The following GREB1L variants were observed in gnomAD, a reference collection of about 807,000 sequenced individuals.
The protein encoded by GREB1L is GREB1 like retinoic acid receptor coactivator.
A neutral mutation model predicts 200.8 loss-of-function variants in GREB1L; 17 were observed. The ratio of observed to expected loss-of-function variants is 0.08; its 90% CI spans 0.06 to 0.13. GREB1L has a LOEUF of 0.13. GREB1L is among the 10% of genes least tolerant of loss of function. The pLI is 1.00. For missense variants in GREB1L, 1,657 were observed against 2,367.7 expected, an observed-to-expected ratio of 0.70 and a Z score of 6.23; for synonymous variants, 789 against 893.0, an observed-to-expected ratio of 0.88 and a Z score of 2.08.
intron 15 of GREB1L, among the ~76,000 whole-genome samples, chr18:21,461,517 G>T (rs915043746): frequency 6.6e-6 from 1 of 152,172 alleles, no homozygotes; most frequent in African/African-American, 2.4e-5. Context: ...ACCCTTGCCC[G>T]TATCACCAGT....
chr18:21,262,424 T>C (rs1257224182), intron 1 of GREB1L, among the ~76,000 whole-genome samples: 1 of 152,150 alleles, frequency 6.6e-6, no homozygotes, highest in African/African-American at 2.4e-5. Flanking sequence ...GCTTTTCCCA[T>C]CCCAGATGGA....
chr18:21,396,651 C>T (rs1176439589), intron 5 of GREB1L, among the ~76,000 whole-genome samples: 3 of 152,098 alleles, frequency 2.0e-5, no homozygotes, highest in Non-Finnish European at 4.4e-5. Context: ...TTATATTTAA[C>T]ATTAGTTCAC....
Position 21,508,262 on chromosome 18 carries a change from C to T in GREB1L, c.4513C>T (p.Pro1505Ser), listed in dbSNP as rs1598947369. ...QGKHLESMRL[P>S]LVSDKNLNAV... Reference sequence around the variant, plus strand: ...CAAGCACCTGGAGAGCATGCGGCTGCCCCTGGTTTCAGACAAGGTGGGTGA... The same window carrying T: ...CAAGCACCTGGAGAGCATGCGGCTGTCCCTGGTTTCAGACAAGGTGGGTGA... Residue 1505 changes from proline to serine, a missense_variant, in exon 26 of 33, where the codon CCC (proline) becomes TCC (serine). By Grantham distance (74) the Pro-to-Ser change is moderately conservative (BLOSUM62 -1). Transcript: ENST00000424526. 1.3e-6 allele frequency: 2 copies of T among 1,551,632 alleles called. No individual in the cohort carries two copies. The highest frequency in any genetic ancestry group is 1.7e-6 in the Non-Finnish European group (2 of 1,147,016).
intron 1 of GREB1L, among the ~76,000 whole-genome samples, chr18:21,264,406 A>G (rs938734920): frequency 6.6e-6 from 1 of 152,136 alleles, no homozygotes. Context: ...TTCGATGCTA[A>G]TAAGGTCTCA....
chr18:21,457,716 T>G (rs1021578342), intron 15 of GREB1L, among the ~76,000 whole-genome samples: 6 of 152,230 alleles, frequency 3.9e-5, no homozygotes, highest in Non-Finnish European at 8.8e-5. Context: ...ACCTTCATAT[T>G]CTTGGAACAC....
At chr18:21,495,994 G>A (rs1451319634) in intron 20 of GREB1L, among the ~76,000 whole-genome samples, 1 of 152,116 alleles carries the variant, frequency 6.6e-6, no homozygotes, top group African/African-American at 2.4e-5. Context: ...TTTGGGAATG[G>A]GCGATAGCCA....
intron 5 of GREB1L, among the ~76,000 whole-genome samples, chr18:21,396,132 C>T (rs1180879335): frequency 6.6e-6 from 1 of 151,162 alleles, no homozygotes. Flanking sequence ...GCAACCTCTG[C>T]CTCCTGGGTT....
At chr18:21,328,242 C>G (rs2039054762) in intron 1 of GREB1L, among the ~76,000 whole-genome samples, 1 of 152,204 alleles carries the variant, frequency 6.6e-6, no homozygotes, top group South Asian at 2.1e-4. Flanking sequence ...CCTAATCACA[C>G]TGGATGGAAT....
rs760119063 is a variant in GREB1L, at chr18:21,418,091, TATA to T, written c.832+14104_832+14106del. On this transcript the variant is annotated intron_variant, in intron 7 of 32. Transcript: ENST00000424526. ...ATTTAAAAGATGATTGTTACACCAG[TATA>T]ATAATATATTTTGGGTTTATAATAC... 6.7e-4 allele frequency among the ~76,000 whole-genome samples: 102 copies of T among 152,260 alleles called. 1 individual carries two copies. The highest frequency in any genetic ancestry group is 1.2e-3 in the Non-Finnish European group (85 of 68,014).
Position 21,500,263 on chromosome 18 carries a change from G to A in GREB1L, c.3926G>A (p.Arg1309Gln), listed in dbSNP as rs1002612311. Residue 1309 changes from arginine to glutamine, a missense_variant, in exon 22 of 33, where the codon CGA becomes CAA. Arg to Gln is a conservative substitution (Grantham distance 43). Transcript: ENST00000424526. ...SNQLDPASGT[R>Q]NFHPRRLLLT... ...CAGCTGGACCCGGCCTCTGGCACCC[G>A]AAACTTCCACCCCCGACGGCTCCTG... 26 of 1,471,130 alleles carry A rather than the reference G, an allele frequency of 1.8e-5. No homozygotes were observed. The highest frequency in any genetic ancestry group is 1.3e-4 in the African/African-American group (9 of 71,870). The allele number at this position is 1,471,130 out of a possible 1,614,324, so 91.1% of individuals were successfully genotyped here.
intron 1 of GREB1L, among the ~76,000 whole-genome samples, chr18:21,242,704 G>A (rs1010790598): frequency 9.9e-5 from 15 of 152,176 alleles, no homozygotes; most frequent in African/African-American, 3.4e-4. Context: ...GCCTGTCACC[G>A]GGCTCTACTC....
At chr18:21,264,155 C>T (rs1426246681) in intron 1 of GREB1L, among the ~76,000 whole-genome samples, 8 of 151,798 alleles carry the variant, frequency 5.3e-5, no homozygotes, top group African/African-American at 1.7e-4. Flanking sequence ...ATCAAAGGGC[C>T]TGATCACAAG....
chr18:21,251,219 C>T (rs2037698036), intron 1 of GREB1L, among the ~76,000 whole-genome samples: 1 of 152,120 alleles, frequency 6.6e-6, no homozygotes, highest in African/African-American at 2.4e-5. Flanking sequence ...CTGTCTTTTC[C>T]CTTTCCCCTT....
intron 1 of GREB1L, among the ~76,000 whole-genome samples, chr18:21,329,143 G>A (rs1484206908): frequency 6.6e-6 from 1 of 151,964 alleles, no homozygotes; most frequent in African/African-American, 2.4e-5. Flanking sequence ...GGCCAATATG[G>A]TGCCACCCCC....
intron 1 of GREB1L, among the ~76,000 whole-genome samples, chr18:21,263,347 C>T (rs2037918684): frequency 6.6e-6 from 1 of 152,072 alleles, no homozygotes; most frequent in South Asian, 2.1e-4. Context: ...ACAAAAATAG[C>T]CTTAAGGTTG....
At chr18:21,249,042 T>G (rs2037654138) in intron 1 of GREB1L, among the ~76,000 whole-genome samples, 1 of 152,186 alleles carries the variant, frequency 6.6e-6, no homozygotes, top group South Asian at 2.1e-4. Context: ...GTAAAAACAT[T>G]AGAAACCACC....
chr18:21,370,456 G>T (rs1206712493), intron 2 of GREB1L, among the ~76,000 whole-genome samples: 2 of 152,164 alleles, frequency 1.3e-5, no homozygotes, highest in Non-Finnish European at 2.9e-5. Flanking sequence ...AGTGTGTTTG[G>T]TTTATTTGTC....
chr18:21,431,091 G>A (rs1215834857), intron 7 of GREB1L, among the ~76,000 whole-genome samples: 2 of 150,702 alleles, frequency 1.3e-5, no homozygotes, highest in Middle Eastern at 3.2e-3. Context: ...GCACCATCTC[G>A]GCTCACTGCA....
intron 2 of GREB1L, among the ~76,000 whole-genome samples, chr18:21,372,421 C>T (rs183390458): frequency 9.9e-5 from 15 of 152,074 alleles, no homozygotes; most frequent in Admixed American, 3.9e-4. Flanking sequence ...GCTAGGATTA[C>T]AGGCATAAGC....
Sources: allele counts gnomAD v4.1 joint callset (sites outside exome capture counted in the v4.1 genomes callset), GRCh38; gene constraint gnomAD v4.1.1; transcripts MANE v1.5; gene names NCBI Gene and HGNC (gene_info 2026-07-23, HGNC 2026-07-21).